SSR1: variants seen among roughly 807,000 people sequenced by gnomAD.
The protein encoded by SSR1 is signal sequence receptor subunit 1.
A neutral mutation model predicts 36.1 loss-of-function variants in SSR1; 13 were observed. The observed-to-expected ratio is 0.36, with a 90% CI of 0.23 to 0.57. SSR1 has a LOEUF of 0.57. Among genes scored for constraint, SSR1 ranks in the 20% least tolerant of loss-of-function variants. The probability of loss-of-function intolerance (pLI) is 0.81; values close to 1 mark genes in which losing one functional copy is unlikely to be tolerated. For missense variants in SSR1, 291 were observed against 338.5 expected, an observed-to-expected ratio of 0.86 and a Z score of 1.10; for synonymous variants, 113 against 118.9, an observed-to-expected ratio of 0.95 and a Z score of 0.32.
At chr6:7,296,138 T>C (rs1757790112) in intron 6 of SSR1, among the ~76,000 whole-genome samples, 1 of 152,118 alleles carries the variant, frequency 6.6e-6, no homozygotes, top group Admixed American at 6.6e-5. Flanking sequence ...AACTTCAAAC[T>C]TTCTCCCTAG....
intron 6 of SSR1, chr6:7,297,216 CAAA>C (rs55729286): frequency 3.4e-4 from 25 of 73,410 alleles, no homozygotes; most frequent in South Asian, 2.3e-3. Flanking sequence ...CAGACTGTCT[CAAA>C]AAAAAAAAAA....
rs1758153590 is a variant in SSR1 at position 7,309,981 on chromosome 6, TCTA to T, written c.125_127del (p.Val42del). The T allele has an allele frequency of 1.9e-6, 3 of 1,613,914 alleles. No homozygotes were observed. Among genetic ancestry groups the T allele is most frequent in the African/African-American group, 1.3e-5 (1 of 74,936 alleles). On this transcript the variant is annotated inframe_deletion, in exon 2 of 8. Coordinates refer to ENST00000244763, the MANE Select transcript of SSR1 (RefSeq NM_003144.5). ...ATCTTCATCCTCAATTATGGAATCT[TCTA>T]CTGTTTCTTCATCCTCTGTAAGATC... is the stretch of plus-strand genomic sequence containing the variant.
At chr6:7,296,236 T>A (rs1385432700) in intron 6 of SSR1, among the ~76,000 whole-genome samples, 2 of 152,174 alleles carry the variant, frequency 1.3e-5, no homozygotes, top group Non-Finnish European at 2.9e-5. Flanking sequence ...AAACCTCAGT[T>A]TATCTACATA....
At chr6:7,308,842 G>A (rs1264301120) in intron 2 of SSR1, among the ~76,000 whole-genome samples, 3 of 152,104 alleles carry the variant, frequency 2.0e-5, no homozygotes, top group Non-Finnish European at 4.4e-5. Context: ...AATACAACAA[G>A]CAAGCAAAAA....
At chr6:7,290,860 T>A (rs1480293268) in intron 7 of SSR1, among the ~76,000 whole-genome samples, 1 of 152,026 alleles carries the variant, frequency 6.6e-6, no homozygotes, top group African/African-American at 2.4e-5. Flanking sequence ...AATTATGAGA[T>A]CACCATGCCT....
chr6:7,298,117 G>A, intron 5 of SSR1, 116 bp from the exon 6 acceptor site: 2 of 721,614 alleles, frequency 2.8e-6, no homozygotes, highest in Non-Finnish European at 4.4e-6. Flanking sequence ...TGGCGAAAAG[G>A]AATAAAATGC....
Position 7,307,407 on chromosome 6 carries a change from G to A in SSR1, c.192+2510C>T, listed in dbSNP as rs1758094331. Among the ~76,000 whole-genome samples the A allele has an allele frequency of 3.3e-5, 5 of 152,330 alleles. No individual in the cohort carries two copies. The South Asian group carries it at 1.0e-3, about 32-fold the overall frequency. On this transcript the variant is annotated intron_variant, in intron 2 of 7. Transcript: ENST00000244763. The stretch of plus-strand genomic sequence containing the variant: ...GTACTAATTGGCCAGGGTAGAAAGT[G>A]GATAATCAGAGTTGTTCTTTTTCCT...
chr6:7,289,066 C>A lies in SSR1; in HGVS notation c.*798G>T, dbSNP rs1442986208. 6.6e-6 allele frequency: 1 copy of A among 152,170 alleles called. No individual in the cohort carries two copies. The highest frequency in any genetic ancestry group is 2.4e-5 in the African/African-American group (1 of 41,436). 9.4% of individuals were successfully genotyped at this position (152,170 alleles called of 1,614,324 possible). On this transcript the variant is annotated 3_prime_UTR_variant, in exon 8 of 8. Transcript: ENST00000244763. The stretch of plus-strand genomic sequence containing the variant: ...AAAACAAAACAAAAAAACCTACACA[C>A]AACTGAGTGAGTAGGTCTAAAATCA...
rs1191982882 is a variant in SSR1, at chr6:7,282,181, T to G, written c.*7683A>C. 1 of 152,132 alleles carries G rather than the reference T, an allele frequency of 6.6e-6. No individual in the cohort carries two copies. Among genetic ancestry groups the G allele is most frequent in the African/African-American group, 2.4e-5 (1 of 41,394 alleles). The allele number at this position is 152,132 out of a possible 1,614,324, so 9.4% of individuals were successfully genotyped here. On this transcript the variant is annotated 3_prime_UTR_variant, in exon 8 of 8. Coordinates refer to ENST00000244763, the MANE Select transcript of SSR1 (RefSeq NM_003144.5). Reference sequence around the variant, plus strand: ...AGGCTTTTGTGGGCAGAAGCCATATTAGAAGAAGAGCTAAAGGAAAGCTGA... The same window carrying G: ...AGGCTTTTGTGGGCAGAAGCCATATGAGAAGAAGAGCTAAAGGAAAGCTGA...
chr6:7,295,007 A>G (rs2714360), intron 7 of SSR1: 318,354 of 1,314,432 alleles, frequency 0.24, 39,540 homozygotes, highest in South Asian at 0.32. Context: ...TTACTCATTA[A>G]ACTTGACGTA....
intron 1 of SSR1, among the ~76,000 whole-genome samples, chr6:7,312,535 G>T (rs186443627): frequency 3.9e-5 from 6 of 152,350 alleles, no homozygotes; most frequent in African/African-American, 1.2e-4. Flanking sequence ...CACTCTGATG[G>T]CTTAGATGTG....
chr6:7,304,241 G>C (rs889740430), intron 2 of SSR1, among the ~76,000 whole-genome samples: 1 of 152,222 alleles, frequency 6.6e-6, no homozygotes, highest in Non-Finnish European at 1.5e-5. Flanking sequence ...CAAGGTTCTA[G>C]AACAGAGCTT....
Position 7,281,243 on chromosome 6 carries a change from AACC to A in SSR1, c.*8618_*8620del, listed in dbSNP as rs1757412743. 1 of 152,198 alleles carries A rather than the reference AACC, an allele frequency of 6.6e-6. No individual in the cohort carries two copies. The highest frequency in any genetic ancestry group is 1.5e-5 in the Non-Finnish European group (1 of 68,036). 9.4% of individuals were successfully genotyped at this position (152,198 alleles called of 1,614,324 possible). A position where few individuals can be genotyped will look rare whatever the true frequency, so the allele number is the denominator to read the frequency against. On this transcript the variant is annotated 3_prime_UTR_variant, in exon 8 of 8. Coordinates refer to ENST00000244763, the MANE Select transcript of SSR1 (RefSeq NM_003144.5). Reference sequence around the variant, plus strand: ...AGCAGGAGGTTAGACCAGTAACAACAACCAAGAAAGCAAAGTGCTCGTTTCCAT... The same window carrying A: ...AGCAGGAGGTTAGACCAGTAACAACAAAGAAAGCAAAGTGCTCGTTTCCAT...
intron 7 of SSR1, among the ~76,000 whole-genome samples, chr6:7,292,247 A>C (rs1053936713): frequency 2.0e-5 from 3 of 152,162 alleles, no homozygotes; most frequent in African/African-American, 7.2e-5. Context: ...TAATCCAAAC[A>C]CATCTCTCCT....
At position 7,309,602 on chromosome 6, in the gene SSR1, C is replaced by T. The variant is rs553609232; in HGVS notation, c.192+315G>A. Among the ~76,000 whole-genome samples, 14 of 152,328 alleles carry T rather than the reference C, an allele frequency of 9.2e-5. No homozygotes were observed. The East Asian group carries it at 2.7e-3, about 29-fold the overall frequency. The stretch of plus-strand genomic sequence containing the variant: ...AACCTGGTGGGAGGTAAATGAATCA[C>T]GGGGACGGTTACCTCCATGCTGTTC... On this transcript the variant is annotated intron_variant, in intron 2 of 7. Transcript: ENST00000244763.
Position 7,301,292 on chromosome 6 carries a change from AG to A in SSR1, c.543+17del, listed in dbSNP as rs1359548509. 6.2e-7 allele frequency: 1 copy of A among 1,606,746 alleles called. No individual in the cohort carries two copies. The highest frequency in any genetic ancestry group is 1.3e-5 in the African/African-American group (1 of 74,352). On this transcript the variant is annotated intron_variant, in intron 4 of 7. Transcript: ENST00000244763. Reference sequence around the variant, plus strand: ...TCCATCTCTAACTTAAACAAAAAGAAGGTTTAGAGGATCTTACGTTCAAATC... The same window carrying A: ...TCCATCTCTAACTTAAACAAAAAGAAGTTTAGAGGATCTTACGTTCAAATC...
Position 7,283,230 on chromosome 6 carries a change from C to T in SSR1, c.*6634G>A, listed in dbSNP as rs1028322366. 6 of 152,138 alleles carry T rather than the reference C, an allele frequency of 3.9e-5. No homozygotes were observed. The highest frequency in any genetic ancestry group is 7.2e-5 in the African/African-American group (3 of 41,398). The allele number at this position is 152,138 out of a possible 1,614,324, so 9.4% of individuals were successfully genotyped here. On this transcript the variant is annotated 3_prime_UTR_variant, in exon 8 of 8. Transcript: ENST00000244763. ...GAGTAGCTGGGATTACAGGCGTGCACCACCTCGCTCGGCTAATTGTTTTTG... is the reference window on the plus strand; with the variant it reads ...GAGTAGCTGGGATTACAGGCGTGCATCACCTCGCTCGGCTAATTGTTTTTG...
At chr6:7,306,324 T>C (rs964814872) in intron 2 of SSR1, among the ~76,000 whole-genome samples, 2 of 151,764 alleles carry the variant, frequency 1.3e-5, no homozygotes, top group African/African-American at 4.8e-5. Flanking sequence ...TTTGTATTTT[T>C]AGTAGAGACA....
At chr6:7,295,335 G>T (rs764757391) in intron 7 of SSR1, 57 bp downstream of exon 7, 24 of 1,349,082 alleles carry the variant, frequency 1.8e-5, no homozygotes, top group Admixed American at 6.4e-5. Flanking sequence ...TAAATCTAAG[G>T]TATTTAATTT....
Sources: gnomAD v4.1 joint callset for allele counts (sites outside exome capture counted in the v4.1 genomes callset) on GRCh38, gnomAD v4.1.1 for gene constraint, MANE v1.5 for transcripts, NCBI Gene and HGNC (gene_info 2026-07-23, HGNC 2026-07-21) for gene names.